The following SGCZ variants were observed in gnomAD, a reference collection of about 807,000 sequenced individuals.
SGCZ encodes the protein sarcoglycan zeta.
SGCZ carries 40 observed loss-of-function variants against 41.3 expected under a neutral mutation model. That is an observed-to-expected ratio of 0.97 (90% CI 0.75 to 1.26). The LOEUF is 1.26. Among genes scored for constraint, SGCZ ranks in the 50% most tolerant of loss-of-function variants. The probability of loss-of-function intolerance (pLI) is 0.00; values close to 1 mark genes in which losing one functional copy is unlikely to be tolerated. For synonymous variants in SGCZ, 206 were observed against 137.5 expected, an observed-to-expected ratio of 1.50 and a Z score of -3.49; for missense variants, 552 against 369.8, an observed-to-expected ratio of 1.49 and a Z score of -4.04.
At position 14,661,521 on chromosome 8, in the gene SGCZ, T is replaced by TG. The variant is rs138184289; in HGVS notation, c.40-106596dup. On this transcript the variant is annotated intron_variant, in intron 1 of 7. Coordinates refer to ENST00000382080, the MANE Select transcript of SGCZ (RefSeq NM_139167.4). ...TTCAAATACAGCACCAATCAAACAT[T>TG]GAGGCATGAACATATGTTTTAGGTT... Among the ~76,000 whole-genome samples the TG allele has an allele frequency of 1.4e-4, 21 of 152,298 alleles. No individual in the cohort carries two copies. The East Asian group carries it at 3.3e-3, about 24-fold the overall frequency.
At chr8:14,970,762 A>T (rs1801265949) in intron 1 of SGCZ, among the ~76,000 whole-genome samples, 1 of 152,058 alleles carries the variant, frequency 6.6e-6, no homozygotes, top group Non-Finnish European at 1.5e-5. Flanking sequence ...CTCCTTTTCA[A>T]TGTAATTTTT....
chr8:14,374,315 A>C (rs1804025235), intron 2 of SGCZ, among the ~76,000 whole-genome samples: 1 of 152,214 alleles, frequency 6.6e-6, no homozygotes. Flanking sequence ...GGAGGTCACC[A>C]GTATGGGTGA....
chr8:14,453,415 A>G (rs1372539611), intron 2 of SGCZ, among the ~76,000 whole-genome samples: 1 of 152,174 alleles, frequency 6.6e-6, no homozygotes, highest in Non-Finnish European at 1.5e-5. Flanking sequence ...GAACAACAAG[A>G]CATTTTTGTT....
intron 1 of SGCZ, among the ~76,000 whole-genome samples, chr8:15,135,342 GATTTTGT>G (rs1420548109): frequency 1.3e-5 from 2 of 152,252 alleles, no homozygotes; most frequent in Admixed American, 1.3e-4. Flanking sequence ...CATTTTCACT[GATTTTGT>G]ATTTTAATCT....
At chr8:15,135,858 G>A (rs1268542875) in intron 1 of SGCZ, among the ~76,000 whole-genome samples, 1 of 152,178 alleles carries the variant, frequency 6.6e-6, no homozygotes, top group Non-Finnish European at 1.5e-5. Flanking sequence ...TGAGGAGCAG[G>A]GCTACCCCAT....
At chr8:14,823,804 T>C (rs558716505) in intron 1 of SGCZ, among the ~76,000 whole-genome samples, 2 of 152,254 alleles carry the variant, frequency 1.3e-5, no homozygotes, top group South Asian at 4.1e-4. Context: ...CTGCTCACCA[T>C]AGACAAGACG....
At chr8:15,081,454 G>C (rs538138966) in intron 1 of SGCZ, among the ~76,000 whole-genome samples, 15 of 149,098 alleles carry the variant, frequency 1.0e-4, no homozygotes, top group African/African-American at 3.2e-4. Context: ...GAGATGACTA[G>C]TGGAGATGCA....
intron 2 of SGCZ, among the ~76,000 whole-genome samples, chr8:14,331,147 C>A (rs1369240673): frequency 6.6e-6 from 1 of 151,352 alleles, no homozygotes; most frequent in Non-Finnish European, 1.5e-5. Context: ...TTTGGTATGA[C>A]AAATATTTGT....
chr8:14,652,202 G>A (rs1053183552), intron 1 of SGCZ, among the ~76,000 whole-genome samples: 12 of 151,498 alleles, frequency 7.9e-5, no homozygotes, highest in Non-Finnish European at 1.6e-4. Context: ...TTAGCTGGGC[G>A]TGGTGGCGAA....
intron 2 of SGCZ, among the ~76,000 whole-genome samples, chr8:14,425,921 T>C (rs987691951): frequency 1.3e-5 from 2 of 151,934 alleles, no homozygotes; most frequent in African/African-American, 2.4e-5. Context: ...AAAGAAAAAA[T>C]GGAAAAGGCA....
chr8:14,559,578 A>G (rs988671319), intron 1 of SGCZ, among the ~76,000 whole-genome samples: 1 of 152,134 alleles, frequency 6.6e-6, no homozygotes, highest in Non-Finnish European at 1.5e-5. Flanking sequence ...TACAAATTCA[A>G]TGTTGAGAAA....
At chr8:14,430,505 C>T (rs1023710121) in intron 2 of SGCZ, among the ~76,000 whole-genome samples, 2 of 151,992 alleles carry the variant, frequency 1.3e-5, no homozygotes, top group Non-Finnish European at 2.9e-5. Context: ...AACTTTATGA[C>T]GAAAACTCTC....
At chr8:14,568,738 A>T (rs1804459579) in intron 1 of SGCZ, among the ~76,000 whole-genome samples, 1 of 152,150 alleles carries the variant, frequency 6.6e-6, no homozygotes, top group Non-Finnish European at 1.5e-5. Context: ...AGTTAAATTG[A>T]TTTTCATTAT....
intron 1 of SGCZ, among the ~76,000 whole-genome samples, chr8:15,116,805 C>T (rs1469834914): frequency 6.6e-6 from 1 of 152,194 alleles, no homozygotes; most frequent in Non-Finnish European, 1.5e-5. Flanking sequence ...GTGGTAGTTT[C>T]AAAACTGCAA....
intron 1 of SGCZ, among the ~76,000 whole-genome samples, chr8:14,597,088 A>G (rs1163132353): frequency 1.3e-5 from 2 of 152,214 alleles, no homozygotes; most frequent in African/African-American, 4.8e-5. Context: ...AGAAGCAACT[A>G]TGAACTGCCA....
intron 1 of SGCZ, among the ~76,000 whole-genome samples, chr8:14,800,123 A>T (rs1269509732): frequency 6.7e-6 from 1 of 150,314 alleles, no homozygotes; most frequent in Non-Finnish European, 1.5e-5. Flanking sequence ...CAGCATCTAC[A>T]CTTTTTCAAG....
At chr8:14,910,090 T>C (rs570957297) in intron 1 of SGCZ, among the ~76,000 whole-genome samples, 1 of 152,240 alleles carries the variant, frequency 6.6e-6, no homozygotes, top group East Asian at 1.9e-4. Context: ...AAGTTTATCA[T>C]AATTACATTT....
intron 2 of SGCZ, among the ~76,000 whole-genome samples, chr8:14,413,571 T>C (rs971956002): frequency 6.6e-6 from 1 of 152,048 alleles, no homozygotes; most frequent in Non-Finnish European, 1.5e-5. Flanking sequence ...CTAGAGGTCA[T>C]TATATTACAA....
At chr8:14,299,282 CAGAA>C (rs1393785307) in intron 3 of SGCZ, among the ~76,000 whole-genome samples, 2 of 151,874 alleles carry the variant, frequency 1.3e-5, no homozygotes, top group African/African-American at 4.8e-5. Context: ...TCTCAGAACA[CAGAA>C]AGCACTGTCT....
Sources: allele counts gnomAD v4.1 joint callset (sites outside exome capture counted in the v4.1 genomes callset), GRCh38; gene constraint gnomAD v4.1.1; transcripts MANE v1.5; gene names NCBI Gene and HGNC (gene_info 2026-07-23, HGNC 2026-07-21).